The following NPAS3 variants were observed in gnomAD, a reference collection of about 807,000 sequenced individuals.
NPAS3 encodes neuronal PAS domain-containing protein 3.
A neutral mutation model predicts 73.1 loss-of-function variants in NPAS3; 14 were observed. The ratio of observed to expected loss-of-function variants is 0.19; its 90% CI spans 0.13 to 0.30. The LOEUF (loss-of-function observed/expected upper bound fraction) is 0.30, where lower values mean the gene tolerates loss of function less well. Among genes scored for constraint, NPAS3 ranks in the 10% least tolerant of loss-of-function variants. The pLI is 1.00. For synonymous variants in NPAS3, 620 were observed against 541.5 expected (o/e 1.14, Z -2.01); for missense variants, 1,096 against 1,250.0 (o/e 0.88, Z 1.86).
At chr14:33,671,108 G>A (rs2059598642) in intron 5 of NPAS3, among the ~76,000 whole-genome samples, 1 of 152,104 alleles carries the variant, frequency 6.6e-6, no homozygotes, top group Admixed American at 6.5e-5. Context: ...CTCTTAAGTT[G>A]TTCCAATATG....
chr14:33,594,946 A>C (rs536304022), intron 5 of NPAS3, among the ~76,000 whole-genome samples: 1 of 152,332 alleles, frequency 6.6e-6, no homozygotes, highest in East Asian at 1.9e-4. Flanking sequence ...GCACCTTGAA[A>C]GCCATAAGAG....
At chr14:33,518,249 C>T (rs984286040) in intron 4 of NPAS3, among the ~76,000 whole-genome samples, 1 of 151,324 alleles carries the variant, frequency 6.6e-6, no homozygotes, top group African/African-American at 2.4e-5. Context: ...TAAATTGATG[C>T]AGAGGCCCTG....
At chr14:33,216,273 A>G (rs1278706472) in intron 3 of NPAS3, among the ~76,000 whole-genome samples, 4 of 152,182 alleles carry the variant, frequency 2.6e-5, no homozygotes, top group Non-Finnish European at 5.9e-5. Flanking sequence ...GAGGAGGTGC[A>G]GGCAACTTCC....
chr14:33,200,922 A>G (rs999017153), intron 2 of NPAS3, among the ~76,000 whole-genome samples: 1 of 152,062 alleles, frequency 6.6e-6, no homozygotes, highest in African/African-American at 2.4e-5. Context: ...CATTTGCATA[A>G]TTTTCTTTGA....
intron 5 of NPAS3, among the ~76,000 whole-genome samples, chr14:33,595,109 T>C (rs1419341592): frequency 6.6e-6 from 1 of 152,228 alleles, no homozygotes; most frequent in Non-Finnish European, 1.5e-5. Context: ...CAAAGCTAAA[T>C]TTCTCTGGAT....
At chr14:33,096,085 G>A (rs1007810717) in intron 2 of NPAS3, among the ~76,000 whole-genome samples, 1 of 150,932 alleles carries the variant, frequency 6.6e-6, no homozygotes, top group African/African-American at 2.4e-5. Context: ...CTGGCAGTAG[G>A]GAAACTTTCA....
At chr14:33,405,131 G>A (rs1390150320) in intron 4 of NPAS3, among the ~76,000 whole-genome samples, 2 of 152,022 alleles carry the variant, frequency 1.3e-5, no homozygotes, top group East Asian at 3.9e-4. Context: ...TTACTCTTTG[G>A]TGGGAATGGC....
intron 3 of NPAS3, among the ~76,000 whole-genome samples, chr14:33,317,682 T>C (rs2043264623): frequency 6.6e-6 from 1 of 152,056 alleles, no homozygotes; most frequent in Non-Finnish European, 1.5e-5. Context: ...AAGAAGGATG[T>C]ATTTGCTTCC....
chr14:33,081,770 A>G (rs2041870383), intron 2 of NPAS3, among the ~76,000 whole-genome samples: 1 of 152,166 alleles, frequency 6.6e-6, no homozygotes, highest in Admixed American at 6.5e-5. Flanking sequence ...CTCAGCCAAA[A>G]GGAACCACTT....
chr14:33,083,165 G>A (rs1409482498), intron 2 of NPAS3, among the ~76,000 whole-genome samples: 6 of 110,034 alleles, frequency 5.5e-5, no homozygotes, highest in East Asian at 2.9e-4. Context: ...CCTGGGTAAT[G>A]GCGAGACTGT....
intron 1 of NPAS3, among the ~76,000 whole-genome samples, chr14:32,982,484 A>G (rs913238484): frequency 6.6e-6 from 1 of 152,112 alleles, no homozygotes; most frequent in Non-Finnish European, 1.5e-5. Context: ...CAGAGGCAGG[A>G]GGATTGCTTG....
At chr14:33,255,939 T>C (rs745392678) in intron 3 of NPAS3, among the ~76,000 whole-genome samples, 1 of 152,224 alleles carries the variant, frequency 6.6e-6, no homozygotes, top group Non-Finnish European at 1.5e-5. Flanking sequence ...AGAGAGTTGC[T>C]CTTTAGGCTA....
chr14:33,057,586 G>T (rs1566512917), intron 2 of NPAS3, among the ~76,000 whole-genome samples: 1 of 152,116 alleles, frequency 6.6e-6, no homozygotes, highest in Non-Finnish European at 1.5e-5. Flanking sequence ...TGTCAATTAG[G>T]AGCCCGGATG....
At chr14:33,591,251 C>T (rs948046649) in intron 5 of NPAS3, among the ~76,000 whole-genome samples, 5 of 152,166 alleles carry the variant, frequency 3.3e-5, no homozygotes, top group Non-Finnish European at 7.3e-5. Context: ...TCACTGCCCA[C>T]TCTTCTCGAC....
intron 1 of NPAS3, among the ~76,000 whole-genome samples, chr14:32,956,235 G>A (rs926547315): frequency 3.9e-5 from 6 of 152,016 alleles, no homozygotes; most frequent in African/African-American, 1.4e-4. Flanking sequence ...AATAATTTAA[G>A]TTGATTAGGC....
At chr14:33,244,463 T>A (rs942042867) in intron 3 of NPAS3, among the ~76,000 whole-genome samples, 2 of 152,142 alleles carry the variant, frequency 1.3e-5, no homozygotes, top group Non-Finnish European at 2.9e-5. Context: ...ACATAAACAC[T>A]TGTGGCTTCT....
At chr14:33,173,339 T>C (rs915466063) in intron 2 of NPAS3, among the ~76,000 whole-genome samples, 4 of 152,210 alleles carry the variant, frequency 2.6e-5, no homozygotes, top group Non-Finnish European at 5.9e-5. Flanking sequence ...ATGTATGCCA[T>C]ATGTTTGAAA....
chr14:33,200,639 A>G (rs2046578345), intron 2 of NPAS3, among the ~76,000 whole-genome samples: 1 of 152,180 alleles, frequency 6.6e-6, no homozygotes, highest in African/African-American at 2.4e-5. Flanking sequence ...TCATTTTTAA[A>G]ATAAGATGCC....
chr14:33,533,330 C>T (rs1360480956), intron 4 of NPAS3, among the ~76,000 whole-genome samples: 2 of 152,062 alleles, frequency 1.3e-5, no homozygotes, highest in African/African-American at 4.8e-5. Flanking sequence ...GCCATTAGAA[C>T]ATGGTCAAAA....
Sources: allele counts gnomAD v4.1 joint callset (sites outside exome capture counted in the v4.1 genomes callset), GRCh38; gene constraint gnomAD v4.1.1; transcripts MANE v1.5; gene names NCBI Gene and HGNC (gene_info 2026-07-23, HGNC 2026-07-21).